PPP2R5E: variants seen among roughly 807,000 people sequenced by gnomAD.
The protein encoded by PPP2R5E is protein phosphatase 2 regulatory subunit B'epsilon.
A neutral mutation model predicts 65.3 loss-of-function variants in PPP2R5E; 4 were observed. The ratio of observed to expected loss-of-function variants is 0.06; its 90% CI spans 0.03 to 0.14. PPP2R5E has a LOEUF of 0.14. Among genes scored for constraint, PPP2R5E ranks in the 10% least tolerant of loss-of-function variants. The probability of loss-of-function intolerance (pLI) is 1.00; values close to 1 mark genes in which losing one functional copy is unlikely to be tolerated. For synonymous variants in PPP2R5E, 183 were observed against 187.4 expected, an observed-to-expected ratio of 0.98 and a Z score of 0.19; for missense variants, 274 against 556.1, an observed-to-expected ratio of 0.49 and a Z score of 5.10.
intron 5 of PPP2R5E, among the ~76,000 whole-genome samples, chr14:63,406,515 C>T (rs1886102749): frequency 6.6e-6 from 1 of 152,006 alleles, no homozygotes; most frequent in African/African-American, 2.4e-5. Context: ...TCTAGCAATA[C>T]TTGGCTCACT....
intron 2 of PPP2R5E, among the ~76,000 whole-genome samples, chr14:63,522,554 G>A (rs1255762): frequency 0.029 from 4,319 of 150,458 alleles, 207 homozygotes; most frequent in African/African-American, 0.1. Flanking sequence ...TCTCTGCCCG[G>A]CCGCCCATCG....
rs149111236 is a variant in PPP2R5E at position 63,379,551 on chromosome 14, C to T, written c.1304+2505G>A. ...CCTCCCAAAGTGCTGCGATTACAGG[C>T]GTGAGCCACTACGCCTGGCCCCCAT... On this transcript the variant is annotated intron_variant, in intron 13 of 13. Transcript: ENST00000337537. Among the ~76,000 whole-genome samples the T allele has an allele frequency of 3.3e-3, 501 of 152,294 alleles. 6 individuals are homozygous for T. The highest frequency in any genetic ancestry group is 0.012 in the African/African-American group (481 of 41,558).
chr14:63,455,919 A>G (rs1170677093), intron 2 of PPP2R5E, among the ~76,000 whole-genome samples: 1 of 151,844 alleles, frequency 6.6e-6, no homozygotes, highest in African/African-American at 2.4e-5. Flanking sequence ...GGCATCCACC[A>G]CCACACCCAG....
intron 3 of PPP2R5E, among the ~76,000 whole-genome samples, chr14:63,442,246 T>C (rs1888273805): frequency 6.6e-6 from 1 of 152,202 alleles, no homozygotes; most frequent in Non-Finnish European, 1.5e-5. Context: ...TCTAATCTAA[T>C]TCTCAGGTCT....
chr14:63,529,749 G>C (rs901932918), intron 2 of PPP2R5E, among the ~76,000 whole-genome samples: 1 of 152,202 alleles, frequency 6.6e-6, no homozygotes, highest in Non-Finnish European at 1.5e-5. Flanking sequence ...TGAATGATAA[G>C]AAGTTGGGGA....
chr14:63,449,807 C>T lies in PPP2R5E; in HGVS notation c.354+3882G>A, dbSNP rs1888706358. On this transcript the variant is annotated intron_variant, in intron 3 of 13. Transcript: ENST00000337537. ...GCTCACATTGATGTAGAAAGTATGG[C>T]CAGAGCTGGCATTTGAACCCAGGTC... Among the ~76,000 whole-genome samples, 5 of 148,598 alleles carry T rather than the reference C, an allele frequency of 3.4e-5. No individual in the cohort carries two copies. The Admixed American group carries it at 3.5e-4, about 10-fold the overall frequency.
At chr14:63,378,278 G>T (rs186662049) in intron 13 of PPP2R5E, among the ~76,000 whole-genome samples, 40 of 152,282 alleles carry the variant, frequency 2.6e-4, no homozygotes, top group African/African-American at 9.4e-4. Flanking sequence ...ATGTATTTCA[G>T]GTTCACATTG....
At chr14:63,431,377 T>C (rs1446501469) in intron 3 of PPP2R5E, among the ~76,000 whole-genome samples, 1 of 152,250 alleles carries the variant, frequency 6.6e-6, no homozygotes, top group African/African-American at 2.4e-5. Flanking sequence ...TCTAGCTTTA[T>C]TGCCTAACAC....
chr14:63,526,803 C>T (rs1489435486), intron 2 of PPP2R5E, among the ~76,000 whole-genome samples: 2 of 152,138 alleles, frequency 1.3e-5, no homozygotes, highest in East Asian at 3.9e-4. Context: ...GCGATCCTCC[C>T]ACCTCAGCCT....
chr14:63,401,178 G>A (rs1885732045), intron 5 of PPP2R5E, among the ~76,000 whole-genome samples: 1 of 152,144 alleles, frequency 6.6e-6, no homozygotes, highest in South Asian at 2.1e-4. Flanking sequence ...TGCTTTTGAT[G>A]ATTTTATGAT....
chr14:63,410,515 G>T (rs1015216817), intron 5 of PPP2R5E, among the ~76,000 whole-genome samples: 4 of 152,096 alleles, frequency 2.6e-5, no homozygotes, highest in Non-Finnish European at 5.9e-5. Context: ...TAAAATATCA[G>T]CATCAATCCC....
Position 63,374,634 on chromosome 14 carries a change from G to GATAT in PPP2R5E, c.*1371_*1374dup, listed in dbSNP as rs35587312. On this transcript the variant is annotated 3_prime_UTR_variant, in exon 14 of 14. Coordinates refer to ENST00000337537, the MANE Select transcript of PPP2R5E (RefSeq NM_006246.5). ...TAAATACAAAGCAGAGAGCCAATAAGATATATATATATATATATATATATA... is the reference window on the plus strand; with the variant it reads ...TAAATACAAAGCAGAGAGCCAATAAGATATATATATATATATATATATATATATA... 1,394 of 109,394 alleles carry GATAT rather than the reference G, an allele frequency of 0.013. 10 individuals carry two copies. Among genetic ancestry groups the GATAT allele is most frequent in the East Asian group, 0.025 (86 of 3,498 alleles). 6.8% of individuals were successfully genotyped at this position (109,394 alleles called of 1,614,324 possible).
intron 2 of PPP2R5E, among the ~76,000 whole-genome samples, chr14:63,521,444 A>G (rs1892903634): frequency 6.6e-6 from 1 of 152,200 alleles, no homozygotes; most frequent in Admixed American, 6.5e-5. Flanking sequence ...GGAGGCGGGC[A>G]GACCACAAGG....
At chr14:63,451,265 G>C (rs117271525) in intron 3 of PPP2R5E, 1 of 152,106 alleles carries the variant, frequency 6.6e-6, no homozygotes, top group Non-Finnish European at 1.5e-5. Flanking sequence ...CTTGTACACA[G>C]ATATTTATAT....
At chr14:63,455,542 T>C (rs4902226) in intron 2 of PPP2R5E, among the ~76,000 whole-genome samples, 43,943 of 151,896 alleles carry the variant, frequency 0.29, 7,696 homozygotes, top group African/African-American at 0.49. Flanking sequence ...GATATAGGTC[T>C]TATCCTATGC....
chr14:63,402,584 T>A (rs1246626942), intron 5 of PPP2R5E, among the ~76,000 whole-genome samples: 1 of 152,162 alleles, frequency 6.6e-6, no homozygotes, highest in Non-Finnish European at 1.5e-5. Flanking sequence ...AATAAAACAG[T>A]GCTATTATTC....
chr14:63,398,727 T>C (rs1280972008), intron 5 of PPP2R5E, among the ~76,000 whole-genome samples: 1 of 152,012 alleles, frequency 6.6e-6, no homozygotes, highest in Admixed American at 6.5e-5. Flanking sequence ...GAGGTGGAGT[T>C]TGCAGTGAGC....
chr14:63,406,695 A>T (rs979299260), intron 5 of PPP2R5E, among the ~76,000 whole-genome samples: 4 of 152,216 alleles, frequency 2.6e-5, no homozygotes, highest in South Asian at 4.1e-4. Context: ...CACACATTAT[A>T]AATTATACGT....
Position 63,372,703 on chromosome 14 carries a change from C to CT in PPP2R5E, c.*3305dup, listed in dbSNP as rs1465613576. On this transcript the variant is annotated 3_prime_UTR_variant, in exon 14 of 14. Transcript: ENST00000337537. ...AAAAGCTTTTAAAGCTCTAAATATACTTTTTTTGTTTCTTTCCATAGTGTG... is the reference window on the plus strand; with the variant it reads ...AAAAGCTTTTAAAGCTCTAAATATACTTTTTTTTGTTTCTTTCCATAGTGTG... 2.0e-5 allele frequency: 3 copies of CT among 152,004 alleles called. No individual in the cohort carries two copies. The highest frequency in any genetic ancestry group is 6.6e-5 in the Admixed American group (1 of 15,242). 9.4% of individuals were successfully genotyped at this position (152,004 alleles called of 1,614,324 possible). A position where few individuals can be genotyped will look rare whatever the true frequency, so the allele number is the denominator to read the frequency against.
Sources: allele counts gnomAD v4.1 joint callset (sites outside exome capture counted in the v4.1 genomes callset), GRCh38; gene constraint gnomAD v4.1.1; transcripts MANE v1.5; gene names NCBI Gene and HGNC (gene_info 2026-07-23, HGNC 2026-07-21).